TENM3: variants seen among roughly 807,000 people sequenced by gnomAD.
TENM3 encodes teneurin-3.
In TENM3, 63 loss-of-function variants were observed where a neutral mutation model predicts 255.1. The observed-to-expected ratio is 0.25, with a 90% CI of 0.20 to 0.30. The LOEUF (loss-of-function observed/expected upper bound fraction) is 0.30. Ranked by LOEUF, TENM3 falls within the 10% of genes least tolerant of loss-of-function variation. The pLI, the probability that TENM3 is intolerant of heterozygous loss-of-function variation, is 1.00. For missense variants in TENM3, 2,929 were observed against 3,461.1 expected, an observed-to-expected ratio of 0.85 and a Z score of 3.86; for synonymous variants, 1,306 against 1,322.3, an observed-to-expected ratio of 0.99 and a Z score of 0.27.
At chr4:182,677,201 G>A (rs1018309702) in intron 7 of TENM3, among the ~76,000 whole-genome samples, 8 of 152,140 alleles carry the variant, frequency 5.3e-5, no homozygotes, top group Middle Eastern at 3.2e-3. Context: ...CTGAATTCAT[G>A]TGCGAAACAC....
chr4:181,690,293 G>C, the TENM3 span, among the ~76,000 whole-genome samples: 1 of 152,126 alleles, frequency 6.6e-6, no homozygotes, highest in Non-Finnish European at 1.5e-5. Context: ...CACACAGGGA[G>C]GGTAGACATT....
chr4:182,042,119 C>G, the TENM3 span, among the ~76,000 whole-genome samples: 5 of 151,918 alleles, frequency 3.3e-5, no homozygotes, highest in Admixed American at 6.6e-5. Context: ...CGTGCTTTCC[C>G]CAGTTTGGAA....
At chr4:181,547,342 G>A in the TENM3 span, among the ~76,000 whole-genome samples, 1 of 151,960 alleles carries the variant, frequency 6.6e-6, no homozygotes, top group African/African-American at 2.4e-5. Context: ...AGAAAATAAA[G>A]AAGATGATCA....
the TENM3 span, among the ~76,000 whole-genome samples, chr4:182,025,138 C>T: frequency 6.6e-6 from 1 of 151,052 alleles, no homozygotes; most frequent in Admixed American, 6.6e-5. Flanking sequence ...ACGCCATTCT[C>T]CTGGCTCAGC....
intron 1 of TENM3, among the ~76,000 whole-genome samples, chr4:182,260,571 G>GT (rs1199945785): frequency 2.0e-5 from 3 of 152,102 alleles, no homozygotes; most frequent in Admixed American, 2.0e-4. Context: ...TGTAATAACA[G>GT]TTTTTTTATA....
chr4:182,590,859 AAAAAC>A (rs973484143), intron 3 of TENM3, among the ~76,000 whole-genome samples: 1 of 151,918 alleles, frequency 6.6e-6, no homozygotes, highest in African/African-American at 2.4e-5. Context: ...AAAGAAAAAA[AAAAAC>A]AAAAAACCAG....
chr4:182,505,331 T>G (rs1736702943), intron 3 of TENM3, among the ~76,000 whole-genome samples: 1 of 152,204 alleles, frequency 6.6e-6, no homozygotes. Flanking sequence ...ATACAGATCT[T>G]AAAACTGCCA....
the TENM3 span, among the ~76,000 whole-genome samples, chr4:181,743,166 A>G: frequency 6.6e-6 from 1 of 152,184 alleles, no homozygotes; most frequent in African/African-American, 2.4e-5. Context: ...TAGCAGCATG[A>G]TTTATAGTCC....
At chr4:181,996,171 A>AC in the TENM3 span, among the ~76,000 whole-genome samples, 1 of 151,838 alleles carries the variant, frequency 6.6e-6, no homozygotes, top group East Asian at 1.9e-4. Flanking sequence ...AAAAAAAAAA[A>AC]AAAAAATTAC....
the TENM3 span, among the ~76,000 whole-genome samples, chr4:181,731,177 A>C: frequency 6.6e-6 from 1 of 152,192 alleles, no homozygotes; most frequent in African/African-American, 2.4e-5. Flanking sequence ...TTTTTTTAAA[A>C]AAGAGGACAG....
At chr4:182,066,224 T>G in the TENM3 span, among the ~76,000 whole-genome samples, 2 of 152,194 alleles carry the variant, frequency 1.3e-5, no homozygotes, top group African/African-American at 4.8e-5. Flanking sequence ...GGTTTTCATT[T>G]GCATTTTTCT....
At chr4:182,664,858 G>A (rs925819998) in intron 6 of TENM3, among the ~76,000 whole-genome samples, 2 of 152,322 alleles carry the variant, frequency 1.3e-5, no homozygotes, top group African/African-American at 2.4e-5. Context: ...GGAAGCTGCA[G>A]AATAAAAGTT....
the TENM3 span, among the ~76,000 whole-genome samples, chr4:181,612,117 C>T: frequency 7.8e-4 from 119 of 152,224 alleles, 1 homozygote; most frequent in East Asian, 7.2e-3. Context: ...AGGAGACGTC[C>T]GCCCCCAGAG....
At chr4:181,645,698 G>A in the TENM3 span, among the ~76,000 whole-genome samples, 1 of 152,140 alleles carries the variant, frequency 6.6e-6, no homozygotes, top group Non-Finnish European at 1.5e-5. Context: ...AAGTAGCTGG[G>A]CTACTGACAA....
the TENM3 span, among the ~76,000 whole-genome samples, chr4:182,047,979 C>T: frequency 2.6e-5 from 4 of 152,208 alleles, no homozygotes; most frequent in South Asian, 2.1e-4. Context: ...GCAGTGGCCC[C>T]GAGGAATATT....
upstream of TENM3, among the ~76,000 whole-genome samples, chr4:182,241,323 G>A (rs757564603): frequency 3.3e-5 from 5 of 152,082 alleles, no homozygotes; most frequent in Non-Finnish European, 5.9e-5. Flanking sequence ...TCAATAATGA[G>A]AGGTCAACAC....
chr4:181,537,692 A>T, the TENM3 span, among the ~76,000 whole-genome samples: 1 of 152,188 alleles, frequency 6.6e-6, no homozygotes, highest in East Asian at 1.9e-4. Context: ...GAAACAAAGA[A>T]CCAGATAAGC....
At chr4:182,110,105 C>T in the TENM3 span, among the ~76,000 whole-genome samples, 1 of 97,440 alleles carries the variant, frequency 1.0e-5, no homozygotes, top group Non-Finnish European at 2.1e-5. Context: ...CAGAGCGAGA[C>T]TCTGTCTCAA....
intron 1 of TENM3, among the ~76,000 whole-genome samples, chr4:182,292,819 A>C (rs908398498): frequency 2.0e-5 from 3 of 152,236 alleles, no homozygotes; most frequent in Non-Finnish European, 4.4e-5. Context: ...AAGGAAGTAC[A>C]TTAGGCCCAG....
Sources: allele counts gnomAD v4.1 joint callset (sites outside exome capture counted in the v4.1 genomes callset), GRCh38; gene constraint gnomAD v4.1.1; transcripts MANE v1.5; gene names NCBI Gene and HGNC (gene_info 2026-07-23, HGNC 2026-07-21).